COLEC12: variants seen among roughly 807,000 people sequenced by gnomAD.
COLEC12 encodes collectin-12.
Under a neutral mutation model 71.1 loss-of-function variants are expected in COLEC12, and 33 were observed. That is an observed-to-expected ratio of 0.46 (90% CI 0.35 to 0.62). The LOEUF is 0.62. Ranked by LOEUF, COLEC12 falls within the 20% of genes least tolerant of loss-of-function variation. The probability of loss-of-function intolerance (pLI) is 0.00; values close to 1 mark genes in which losing one functional copy is unlikely to be tolerated. For synonymous variants in COLEC12, 350 were observed against 353.0 expected, an observed-to-expected ratio of 0.99 and a Z score of 0.10; for missense variants, 765 against 916.1, an observed-to-expected ratio of 0.84 and a Z score of 2.13.
chr18:489,810 T>C (rs1396182929), intron 1 of COLEC12, among the ~76,000 whole-genome samples: 1 of 152,066 alleles, frequency 6.6e-6, no homozygotes, highest in African/African-American at 2.4e-5. Flanking sequence ...CAAGGGTTGT[T>C]AGGGGAAGGT....
At chr18:370,385 A>C (rs1036928170) in intron 2 of COLEC12, among the ~76,000 whole-genome samples, 1 of 152,194 alleles carries the variant, frequency 6.6e-6, no homozygotes, top group African/African-American at 2.4e-5. Context: ...TACAGTTGTA[A>C]ACTGGTTAAA....
chr18:491,713 C>T (rs763024093), intron 1 of COLEC12, among the ~76,000 whole-genome samples: 17 of 152,154 alleles, frequency 1.1e-4, no homozygotes, highest in East Asian at 1.9e-4. Flanking sequence ...AAGAGTAATG[C>T]GTGCTGCAGG....
At chr18:323,853 G>A (rs74954629) in intron 8 of COLEC12, among the ~76,000 whole-genome samples, 5,747 of 152,128 alleles carry the variant, frequency 0.038, 149 homozygotes, top group Non-Finnish European at 0.062. Context: ...TTCCCCTTGC[G>A]TTTCCTTTTA....
At chr18:324,177 C>T (rs1371599703) in intron 8 of COLEC12, among the ~76,000 whole-genome samples, 1 of 152,104 alleles carries the variant, frequency 6.6e-6, no homozygotes, top group Non-Finnish European at 1.5e-5. Context: ...GCTAAAATCA[C>T]ATGGAGTGAT....
At chr18:484,450 C>T (rs892711987) in intron 1 of COLEC12, among the ~76,000 whole-genome samples, 1 of 152,184 alleles carries the variant, frequency 6.6e-6, no homozygotes, top group Admixed American at 6.5e-5. Context: ...ATAAAATAGT[C>T]TCTATCTCAT....
At chr18:369,541 T>G (rs2143531653) in intron 2 of COLEC12, among the ~76,000 whole-genome samples, 1 of 152,086 alleles carries the variant, frequency 6.6e-6, no homozygotes, top group Non-Finnish European at 1.5e-5. Flanking sequence ...GCTGGTGCGC[T>G]GCACCCACTA....
rs541296536 is a variant in COLEC12, at chr18:381,894, T to A, written c.59-24372A>T. On this transcript the variant is annotated intron_variant, in intron 2 of 9. Coordinates refer to ENST00000400256, the MANE Select transcript of COLEC12 (RefSeq NM_130386.3). ...GCAAGTTGCTGAAGGATTTTTTTTT[T>A]AAAAAGCTCACCTCTCATCAGGAAA... Among the ~76,000 whole-genome samples the A allele has an allele frequency of 6.8e-4, 103 of 152,090 alleles. 1 individual carries two copies. Among genetic ancestry groups the A allele is most frequent in the African/African-American group, 2.3e-3 (97 of 41,486 alleles).
At chr18:320,389 GTT>G (rs1396028328) in intron 9 of COLEC12, among the ~76,000 whole-genome samples, 2 of 152,112 alleles carry the variant, frequency 1.3e-5, no homozygotes, top group Non-Finnish European at 2.9e-5. Flanking sequence ...AGATATCTGT[GTT>G]TTTCCCCCTC....
chr18:348,522 C>G (rs1914436281), intron 3 of COLEC12, among the ~76,000 whole-genome samples: 1 of 152,188 alleles, frequency 6.6e-6, no homozygotes, highest in Admixed American at 6.5e-5. Flanking sequence ...GCAAGGCACA[C>G]TGTGATAATT....
rs555016977 is a variant in COLEC12 at position 354,123 on chromosome 18, A to G, written c.181+3277T>C. Among the ~76,000 whole-genome samples the G allele has an allele frequency of 4.6e-5, 7 of 152,372 alleles. No homozygotes were observed. In the East Asian group the frequency reaches 9.6e-4, roughly 21 times the overall value. On this transcript the variant is annotated intron_variant, in intron 3 of 9. Transcript: ENST00000400256. ...AGTAGGATTTTCCTGTTCAGGAAATATTCTGGAAGAAACATGACACATTGA... is the reference window on the plus strand; with the variant it reads ...AGTAGGATTTTCCTGTTCAGGAAATGTTCTGGAAGAAACATGACACATTGA...
intron 2 of COLEC12, among the ~76,000 whole-genome samples, chr18:464,959 C>T (rs190318832): frequency 6.1e-4 from 93 of 152,348 alleles, no homozygotes; most frequent in African/African-American, 2.0e-3. Context: ...AGGTTCTAGA[C>T]GCTCCCATCA....
chr18:388,233 T>C (rs992646894), intron 2 of COLEC12, among the ~76,000 whole-genome samples: 4 of 152,232 alleles, frequency 2.6e-5, no homozygotes, highest in South Asian at 2.1e-4. Flanking sequence ...TTAAGGCTGT[T>C]AGTAGCCCTC....
intron 1 of COLEC12, among the ~76,000 whole-genome samples, chr18:481,907 T>C (rs1368075070): frequency 6.6e-6 from 1 of 152,084 alleles, no homozygotes. Flanking sequence ...AAGGACACTT[T>C]TTTTTTTCTT....
chr18:383,796 T>C, intron 2 of COLEC12, among the ~76,000 whole-genome samples: 1 of 151,954 alleles, frequency 6.6e-6, no homozygotes, highest in South Asian at 2.1e-4. Context: ...GGATAATTTA[T>C]AAAGGAAAGA....
intron 2 of COLEC12, among the ~76,000 whole-genome samples, chr18:438,507 T>G (rs1916449621): frequency 6.6e-6 from 1 of 152,162 alleles, no homozygotes. Flanking sequence ...AGAGATACAA[T>G]GGAAGATCAA....
intron 2 of COLEC12, among the ~76,000 whole-genome samples, chr18:377,684 C>T (rs544418348): frequency 1.2e-4 from 18 of 152,318 alleles, no homozygotes; most frequent in African/African-American, 4.1e-4. Flanking sequence ...TTGCTGGCAG[C>T]TTTGAAGACC....
chr18:374,576 C>T (rs11081060), intron 2 of COLEC12, among the ~76,000 whole-genome samples: 7 of 152,258 alleles, frequency 4.6e-5, no homozygotes, highest in Non-Finnish European at 1.0e-4. Context: ...TACCTGGCCT[C>T]CCATAGGAAG....
intron 1 of COLEC12, among the ~76,000 whole-genome samples, chr18:491,076 C>T (rs1043837812): frequency 6.6e-6 from 1 of 152,210 alleles, no homozygotes; most frequent in Non-Finnish European, 1.5e-5. Context: ...ATGGCCTCTG[C>T]TCTGAGCATT....
chr18:466,212 C>T (rs934510037), intron 2 of COLEC12, among the ~76,000 whole-genome samples: 1 of 152,164 alleles, frequency 6.6e-6, no homozygotes, highest in Non-Finnish European at 1.5e-5. Context: ...TGCACTCCAG[C>T]CTGGGCGACA....
Sources: gnomAD v4.1 joint callset for allele counts (sites outside exome capture counted in the v4.1 genomes callset) on GRCh38, gnomAD v4.1.1 for gene constraint, MANE v1.5 for transcripts, NCBI Gene and HGNC (gene_info 2026-07-23, HGNC 2026-07-21) for gene names.